The following CLDN14 variants were observed in gnomAD, a reference collection of about 807,000 sequenced individuals.
CLDN14 encodes claudin-14.
In CLDN14, 2 loss-of-function variants were observed where a neutral mutation model predicts 2.1. The ratio of observed to expected loss-of-function variants is 0.96; its 90% CI spans 0.39 to 3.01. CLDN14 has a LOEUF of 3.01. Among genes scored for constraint, CLDN14 ranks in the 30% most tolerant of loss-of-function variants. The pLI is 0.09. For synonymous variants in CLDN14, 136 were observed against 154.4 expected, an observed-to-expected ratio of 0.88 and a Z score of 0.88; for missense variants, 298 against 328.0, an observed-to-expected ratio of 0.91 and a Z score of 0.71.
intron 1 of CLDN14, among the ~76,000 whole-genome samples, chr21:36,523,573 C>A (rs1044055027): frequency 6.6e-6 from 1 of 151,382 alleles, no homozygotes; most frequent in African/African-American, 2.4e-5. Flanking sequence ...ATGGCAAAAC[C>A]CCATTCCTAC....
At chr21:36,567,449 G>GA (rs1254524430) in intron 1 of CLDN14, among the ~76,000 whole-genome samples, 1 of 152,220 alleles carries the variant, frequency 6.6e-6, no homozygotes, top group Non-Finnish European at 1.5e-5. Flanking sequence ...GGAACTGGCT[G>GA]ATTTATGTCT....
upstream of CLDN14, among the ~76,000 whole-genome samples, chr21:36,484,755 C>T (rs1166454038): frequency 6.6e-6 from 1 of 152,042 alleles, no homozygotes; most frequent in East Asian, 1.9e-4. Flanking sequence ...TCTTTCTTGC[C>T]CAGGCTGGAG....
intron 2 of CLDN14, chr21:36,486,751 G>C (rs1196454664): frequency 1.1e-6 from 1 of 934,270 alleles, no homozygotes; most frequent in Non-Finnish European, 1.7e-6. Flanking sequence ...CATTGCCTTT[G>C]GGCTTCCCAC....
Position 36,540,328 on chromosome 21 carries a change from A to G in CLDN14, c.-219-29828T>C, listed in dbSNP as rs2087477974. Among the ~76,000 whole-genome samples, 3 of 152,114 alleles carry G rather than the reference A, an allele frequency of 2.0e-5. No individual in the cohort carries two copies. In the South Asian group the frequency reaches 6.2e-4, roughly 32 times the overall value. On this transcript the variant is annotated intron_variant, in intron 1 of 2. Coordinates refer to the CLDN14 transcript ENST00000342108. ...CCCAACACAATGTAAAGCTATGTAA[A>G]TAGTTGTTATACTGTGTTTTTATTT...
At chr21:36,485,764 A>C in intron 2 of CLDN14, 1 of 287,610 alleles carries the variant, frequency 3.5e-6, no homozygotes, top group South Asian at 5.8e-5. Flanking sequence ...CAAAAATTGC[A>C]CCACCTACCT....
intron 1 of CLDN14, among the ~76,000 whole-genome samples, chr21:36,525,795 C>T (rs1296947792): frequency 6.6e-6 from 1 of 152,136 alleles, no homozygotes; most frequent in Admixed American, 6.5e-5. Flanking sequence ...TCATCAGGAA[C>T]GGTACCAAGG....
chr21:36,549,114 T>C (rs2087545598), intron 1 of CLDN14, among the ~76,000 whole-genome samples: 2 of 151,938 alleles, frequency 1.3e-5, no homozygotes, highest in Admixed American at 6.6e-5. Flanking sequence ...ATCATTGCTA[T>C]GGGGCATGAC....
At chr21:36,533,956 A>G (rs1290674167) in intron 1 of CLDN14, among the ~76,000 whole-genome samples, 1 of 152,206 alleles carries the variant, frequency 6.6e-6, no homozygotes, top group Non-Finnish European at 1.5e-5. Flanking sequence ...AAGTTTACCT[A>G]TATAACCGAC....
chr21:36,572,528 A>G (rs923730297), intron 1 of CLDN14, among the ~76,000 whole-genome samples: 3 of 152,226 alleles, frequency 2.0e-5, no homozygotes, highest in African/African-American at 4.8e-5. Context: ...TGAAAGATTT[A>G]CTGCCATCCC....
At chr21:36,528,591 T>C (rs1336040567) in intron 1 of CLDN14, among the ~76,000 whole-genome samples, 1 of 152,206 alleles carries the variant, frequency 6.6e-6, no homozygotes, top group African/African-American at 2.4e-5. Context: ...AATAAGGAAC[T>C]GGGTTAGGGT....
chr21:36,499,943 GC>G lies in CLDN14; in HGVS notation c.-82+10419del, dbSNP rs1231768714. Among the ~76,000 whole-genome samples, 6 of 152,106 alleles carry G rather than the reference GC, an allele frequency of 3.9e-5. No individual in the cohort carries two copies. Among genetic ancestry groups the G allele is most frequent in the Non-Finnish European group, 8.8e-5 (6 of 68,024 alleles). On this transcript the variant is annotated intron_variant, in intron 2 of 2. Transcript: ENST00000342108. The surrounding 1 kb of genome is among the most constrained non-coding windows in gnomAD (Gnocchi z 4.7). ...GGAGCAGTACTGGGCCCAGAAGCCT[GC>G]CCCAGCCGCGCACACAGAGTCTACC...
In CLDN14 at chr21:36,460,796, T is replaced by C; in HGVS notation, c.*180A>G. Reference sequence around the variant, plus strand: ...TCAGTCTTTGGTATAGAGAGCTTTCTCCTCCTCTTATTTCCCCCTCTGTCC... The same window carrying C: ...TCAGTCTTTGGTATAGAGAGCTTTCCCCTCCTCTTATTTCCCCCTCTGTCC... On this transcript the variant is annotated 3_prime_UTR_variant, in exon 2 of 2. Transcript: ENST00000399135. This position sits in a 1 kb window ranked among gnomAD's most constrained non-coding sequence, Gnocchi z 4.0. The C allele has an allele frequency of 1.5e-6, 1 of 687,598 alleles. No homozygotes were observed. Among genetic ancestry groups the C allele is most frequent in the Non-Finnish European group, 2.4e-6 (1 of 414,864 alleles). 42.6% of individuals were successfully genotyped at this position (687,598 alleles called of 1,614,324 possible). A position where few individuals can be genotyped will look rare whatever the true frequency, so the allele number is the denominator to read the frequency against.
At chr21:36,554,143 C>T (rs958601352) in intron 1 of CLDN14, among the ~76,000 whole-genome samples, 9 of 152,152 alleles carry the variant, frequency 5.9e-5, no homozygotes, top group Non-Finnish European at 1.0e-4. Context: ...GATGTGTCTG[C>T]CTTGTTCTCT....
intron 2 of CLDN14, among the ~76,000 whole-genome samples, chr21:36,501,199 G>A (rs1365181232): frequency 6.6e-6 from 1 of 152,088 alleles, no homozygotes; most frequent in Admixed American, 6.6e-5. Flanking sequence ...TCCACATCAA[G>A]CCCCATTTGC....
exon 2 of CLDN14, chr21:36,510,401 T>G (rs747570919): frequency 2.6e-5 from 4 of 152,286 alleles, no homozygotes; most frequent in Non-Finnish European, 4.4e-5. Flanking sequence ...ATGGTTTGGC[T>G]GGGCTGGGTG....
intron 1 of CLDN14, among the ~76,000 whole-genome samples, chr21:36,513,296 G>T (rs1436549968): frequency 2.0e-5 from 3 of 152,178 alleles, no homozygotes; most frequent in Admixed American, 2.0e-4. Context: ...CAACAGGATA[G>T]CACCGTTTCT....
At chr21:36,491,542 G>T (rs1262783473) in intron 2 of CLDN14, among the ~76,000 whole-genome samples, 1 of 152,188 alleles carries the variant, frequency 6.6e-6, no homozygotes, top group Non-Finnish European at 1.5e-5. Context: ...TGTTTGCTGA[G>T]AAGACTGTAT....
chr21:36,489,074 C>A (rs2086930324), intron 2 of CLDN14, among the ~76,000 whole-genome samples: 1 of 143,930 alleles, frequency 6.9e-6, no homozygotes. Flanking sequence ...CAAGCCACTG[C>A]ACTCCAGCCT....
At chr21:36,482,913 T>A (rs147845559), upstream of CLDN14, among the ~76,000 whole-genome samples, 340 of 152,346 alleles carry the variant, frequency 2.2e-3, no homozygotes, top group South Asian at 0.015. Context: ...ATTCTTTGTG[T>A]GCTAGCTGTG....
Sources: allele counts gnomAD v4.1 joint callset (sites outside exome capture counted in the v4.1 genomes callset), GRCh38; gene constraint gnomAD v4.1.1; non-coding constraint Gnocchi (gnomAD v3.1); transcripts MANE v1.5; gene names NCBI Gene and HGNC (gene_info 2026-07-23, HGNC 2026-07-21).